SEC24B: variants seen among roughly 807,000 people sequenced by gnomAD.
The protein encoded by SEC24B is SEC24 homolog B, COPII component.
SEC24B carries 45 observed loss-of-function variants against 142.8 expected under a neutral mutation model. That is an observed-to-expected ratio of 0.32 (90% confidence interval 0.25 to 0.40). The LOEUF is 0.40. Ranked by LOEUF, SEC24B falls within the 10% of genes least tolerant of loss-of-function variation. The pLI is 1.00. For synonymous variants in SEC24B, 574 were observed against 568.2 expected (o/e 1.01, Z -0.15); for missense variants, 1,409 against 1,526.8 (o/e 0.92, Z 1.29).
At chr4:109,467,083 T>C (rs957340084) in intron 2 of SEC24B, among the ~76,000 whole-genome samples, 1 of 151,152 alleles carries the variant, frequency 6.6e-6, no homozygotes, top group African/African-American at 2.4e-5. Context: ...TCCCAGCACT[T>C]TGGGAGGCCG....
At chr4:109,526,163 AAC>A (rs1724199472) in intron 16 of SEC24B, 61 bp from the exon 17 acceptor site, 1 of 1,478,002 alleles carries the variant, frequency 6.8e-7, no homozygotes, top group Non-Finnish European at 9.3e-7. Context: ...TTAAAAAAGT[AAC>A]TTTAGCTTGA....
intron 1 of SEC24B, among the ~76,000 whole-genome samples, chr4:109,459,285 T>C (rs777105167): frequency 1.6e-4 from 25 of 152,324 alleles, no homozygotes; most frequent in Non-Finnish European, 3.4e-4. Context: ...CATAGACATA[T>C]GCTGTAGACT....
At position 109,445,952 on chromosome 4, in the gene SEC24B, A is replaced by G. The variant is rs140356716; in HGVS notation, c.133+11950A>G. On this transcript the variant is annotated intron_variant, in intron 1 of 23. Coordinates refer to ENST00000265175, the MANE Select transcript of SEC24B (RefSeq NM_006323.5). ...TTTGGGGAGTGCAATAATCAAATTA[A>G]TTTATTCTAAGATGCTTTTTTTTTT... Among the ~76,000 whole-genome samples the G allele has an allele frequency of 6.7e-4, 99 of 146,820 alleles. 1 individual carries two copies. In the East Asian group the frequency reaches 0.019, roughly 28 times the overall value.
intron 10 of SEC24B, among the ~76,000 whole-genome samples, chr4:109,514,342 G>A (rs1451977934): frequency 1.3e-5 from 2 of 152,082 alleles, no homozygotes; most frequent in African/African-American, 2.4e-5. Context: ...CTTCAAAAAC[G>A]AATTACTGGC....
In SEC24B at chr4:109,506,628, TTTCTC is replaced by T. The variant is rs1736718172; in HGVS notation, c.1673+119_1673+123del. 5 of 763,224 alleles carry T rather than the reference TTTCTC, an allele frequency of 6.6e-6. No homozygotes were observed. The South Asian group carries it at 9.1e-5, about 14-fold the overall frequency. The allele number at this position is 763,224 out of a possible 1,614,324, so 47.3% of individuals were successfully genotyped here. A position where few individuals can be genotyped will look rare whatever the true frequency, so the allele number is the denominator to read the frequency against. On this transcript the variant is annotated intron_variant, in intron 7 of 23. Transcript: ENST00000265175. ...GTTGGAAGTTTCATTAATGTTGACT[TTTCTC>T]TTTTAGTTTGTATAGATGTAAAATT...
chr4:109,512,139 A>G, intron 9 of SEC24B, 56 bp downstream of exon 9: 5 of 1,262,890 alleles, frequency 4.0e-6, no homozygotes, highest in Non-Finnish European at 5.5e-6. Context: ...TTTTTTTTTG[A>G]GATTTTTGTC....
chr4:109,494,343 T>C (rs1735314070), intron 5 of SEC24B, among the ~76,000 whole-genome samples: 1 of 151,854 alleles, frequency 6.6e-6, no homozygotes, highest in Non-Finnish European at 1.5e-5. Flanking sequence ...TGATGTAAAA[T>C]ATGGGGTGGA....
At chr4:109,482,936 C>CTATATATATATATATA (rs775978447) in intron 4 of SEC24B, among the ~76,000 whole-genome samples, 5 of 34,614 alleles carry the variant, frequency 1.4e-4, no homozygotes, top group Admixed American at 5.6e-4. Flanking sequence ...CAGGCTTGTA[C>CTATATATATATATATA]TATATATATA....
chr4:109,435,168 A>G (rs1375387357), intron 1 of SEC24B, among the ~76,000 whole-genome samples: 1 of 152,208 alleles, frequency 6.6e-6, no homozygotes, highest in Admixed American at 6.5e-5. Flanking sequence ...TGCTTTTCAA[A>G]CATGAAGTGT....
chr4:109,438,398 T>C (rs1578741137), intron 1 of SEC24B, among the ~76,000 whole-genome samples: 2 of 152,140 alleles, frequency 1.3e-5, no homozygotes, highest in African/African-American at 4.8e-5. Flanking sequence ...ACTGCAGCCT[T>C]GAACTCCTGG....
intron 2 of SEC24B, among the ~76,000 whole-genome samples, chr4:109,472,037 CT>C (rs1305675335): frequency 2.0e-5 from 3 of 152,178 alleles, no homozygotes; most frequent in Non-Finnish European, 4.4e-5. Context: ...CATATTTAGA[CT>C]ACCTTCTTTC....
chr4:109,470,927 C>G (rs963085078), intron 2 of SEC24B, among the ~76,000 whole-genome samples: 1 of 151,996 alleles, frequency 6.6e-6, no homozygotes, highest in Non-Finnish European at 1.5e-5. Context: ...TATTTGAAAA[C>G]AAAAGCAAAA....
At position 109,479,994 on chromosome 4, in the gene SEC24B, G is replaced by T. The variant is rs76474258; in HGVS notation, c.1061-1683G>T. On this transcript the variant is annotated intron_variant, in intron 3 of 23. Transcript: ENST00000265175. ...GCATTACCTGAACCTATTTTACATTGATTTTATTTTATTTTATTTACATCG... is the reference window on the plus strand; with the variant it reads ...GCATTACCTGAACCTATTTTACATTTATTTTATTTTATTTTATTTACATCG... Among the ~76,000 whole-genome samples the T allele has an allele frequency of 1.3e-3, 200 of 152,020 alleles. 1 individual carries two copies. Among genetic ancestry groups the T allele is most frequent in the African/African-American group, 4.3e-3 (179 of 41,484 alleles).
chr4:109,460,125 A>G (rs891698144), intron 1 of SEC24B, among the ~76,000 whole-genome samples: 5 of 152,128 alleles, frequency 3.3e-5, no homozygotes, highest in African/African-American at 1.2e-4. Flanking sequence ...TATAGGAGGA[A>G]TGTAGATGAT....
In SEC24B at chr4:109,536,209, T is replaced by C. The variant is rs115712246; in HGVS notation, c.3589-2284T>C. Among the ~76,000 whole-genome samples the C allele has an allele frequency of 4.2e-3, 645 of 152,222 alleles. 3 individuals are homozygous for C. The highest frequency in any genetic ancestry group is 0.014 in the African/African-American group (602 of 41,538). ...TATGAAAAATAAATTCTAAGTAAAA[T>C]AGTAAACCTTATTCTAAAGCTGTAG... On this transcript the variant is annotated intron_variant, in intron 22 of 23. Coordinates refer to ENST00000265175, the MANE Select transcript of SEC24B (RefSeq NM_006323.5).
chr4:109,538,618 T>C (rs770966980), intron 23 of SEC24B, 22 bp downstream of exon 23: 1 of 1,454,242 alleles, frequency 6.9e-7, no homozygotes, highest in Non-Finnish European at 9.7e-7. Context: ...TGTAACTTAA[T>C]TATGAAGTTG....
chr4:109,466,699 T>C (rs142752232), intron 2 of SEC24B, among the ~76,000 whole-genome samples: 1,790 of 152,270 alleles, frequency 0.012, 63 homozygotes, highest in Admixed American at 0.075. Context: ...CGTGAGCCAC[T>C]GCACCCGGCC....
intron 3 of SEC24B, among the ~76,000 whole-genome samples, chr4:109,478,323 C>T (rs1347104675): frequency 1.3e-5 from 2 of 151,388 alleles, no homozygotes; most frequent in Admixed American, 6.6e-5. Flanking sequence ...AAATAATTAG[C>T]AGGACTGAGT....
intron 1 of SEC24B, among the ~76,000 whole-genome samples, chr4:109,445,086 T>A (rs1226951280): frequency 6.6e-6 from 1 of 151,948 alleles, no homozygotes; most frequent in Non-Finnish European, 1.5e-5. Context: ...ACTACACCTA[T>A]CTAATTTTAT....
Sources: allele counts gnomAD v4.1 joint callset (sites outside exome capture counted in the v4.1 genomes callset), GRCh38; gene constraint gnomAD v4.1.1; transcripts MANE v1.5; gene names NCBI Gene and HGNC (gene_info 2026-07-23, HGNC 2026-07-21).